Variants in NKD1 observed in about 807,000 individuals in gnomAD.
NKD1 encodes protein naked cuticle homolog 1.
A neutral mutation model predicts 56.0 loss-of-function variants in NKD1; 21 were observed. That is an observed-to-expected ratio of 0.38 (90% confidence interval 0.27 to 0.54). NKD1 has a LOEUF of 0.54. Among genes scored for constraint, NKD1 ranks in the 20% least tolerant of loss-of-function variants. The probability of loss-of-function intolerance (pLI) is 0.82; values close to 1 mark genes in which losing one functional copy is unlikely to be tolerated. For synonymous variants in NKD1, 263 were observed against 265.7 expected (o/e 0.99, Z 0.10); for missense variants, 578 against 642.7 (o/e 0.90, Z 1.09).
chr16:50,567,331 C>T (rs1960783572), intron 3 of NKD1, among the ~76,000 whole-genome samples: 1 of 152,184 alleles, frequency 6.6e-6, no homozygotes, highest in Admixed American at 6.5e-5. Flanking sequence ...TCCCAGTAAA[C>T]CGGTCTCCAT....
Position 50,632,191 on chromosome 16 carries a change from G to T in NKD1, c.696-90G>T. The T allele has an allele frequency of 7.9e-7, 1 of 1,270,994 alleles. No individual in the cohort carries two copies. 78.7% of individuals were successfully genotyped at this position (1,270,994 alleles called of 1,614,324 possible). A position where few individuals can be genotyped will look rare whatever the true frequency, so the allele number is the denominator to read the frequency against. On this transcript the variant is annotated intron_variant, in intron 8 of 9. Transcript: ENST00000268459. This position sits in a 1 kb window ranked among gnomAD's most constrained non-coding sequence, Gnocchi z 4.1. ...AAGAAGGAAATGAATGAAGGGTCCA[G>T]AGTTCATTCTGGGGGCTTCCTAGTA... is the stretch of plus-strand genomic sequence containing the variant.
chr16:50,645,899 G>A lies in NKD1; in HGVS notation c.*12118G>A, dbSNP rs1315015763. 1.3e-5 allele frequency: 2 copies of A among 152,158 alleles called. No homozygotes were observed. Among genetic ancestry groups the A allele is most frequent in the Non-Finnish European group, 1.5e-5 (1 of 68,026 alleles). The allele number at this position is 152,158 out of a possible 1,614,324, so 9.4% of individuals were successfully genotyped here. ...CAATTTCCTCTCTCTGGTAGTTGCTGAATTGGCTCTCGTGAAGGCAGAAAG... is the reference window on the plus strand; with the variant it reads ...CAATTTCCTCTCTCTGGTAGTTGCTAAATTGGCTCTCGTGAAGGCAGAAAG... On this transcript the variant is annotated 3_prime_UTR_variant, in exon 10 of 10. Coordinates refer to ENST00000268459, the MANE Select transcript of NKD1 (RefSeq NM_033119.5).
In NKD1 at chr16:50,573,857, G is replaced by T. The variant is rs1478728834; in HGVS notation, c.192+24302G>T. On this transcript the variant is annotated intron_variant, in intron 3 of 9. Transcript: ENST00000268459. ...CTGGCCTCAGCCACAGGGGCTGAGA[G>T]GGGAGCAGGGGCGGGGGTGAGGGTG... 1.2e-5 allele frequency: 12 copies of T among 985,458 alleles called. No homozygotes were observed. In the South Asian group the frequency reaches 1.9e-4, roughly 15 times the overall value. 61.0% of individuals were successfully genotyped at this position (985,458 alleles called of 1,614,324 possible).
chr16:50,612,400 T>C (rs1448806491), intron 4 of NKD1, among the ~76,000 whole-genome samples: 1 of 152,192 alleles, frequency 6.6e-6, no homozygotes, highest in Non-Finnish European at 1.5e-5. Flanking sequence ...GGCCCCTCAC[T>C]CCTCACCATT....
At chr16:50,566,837 G>A (rs762116718) in intron 3 of NKD1, among the ~76,000 whole-genome samples, 1 of 152,158 alleles carries the variant, frequency 6.6e-6, no homozygotes, top group Non-Finnish European at 1.5e-5. Flanking sequence ...TCTCTATGAT[G>A]ATCATAGGTT....
rs1962409177 is a variant in NKD1 at position 50,633,802 on chromosome 16, C to G, written c.*21C>G. 7.4e-7 allele frequency: 1 copy of G among 1,346,020 alleles called. No homozygotes were observed. Among genetic ancestry groups the G allele is most frequent in the Non-Finnish European group, 9.9e-7 (1 of 1,007,054 alleles). The allele number at this position is 1,346,020 out of a possible 1,614,324, so 83.4% of individuals were successfully genotyped here. A position where few individuals can be genotyped will look rare whatever the true frequency, so the allele number is the denominator to read the frequency against. On this transcript the variant is annotated 3_prime_UTR_variant, in exon 10 of 10. Transcript: ENST00000268459. The surrounding 1 kb of genome is among the most constrained non-coding windows in gnomAD (Gnocchi z 4.9). ...CATAGAGCCCCTCCCCAGGGCCCCA[C>G]CCTGCCATATGAAGGACCCCACCCC...
intron 3 of NKD1, chr16:50,575,104 T>C (rs1356659349): frequency 2.0e-6 from 2 of 985,142 alleles, no homozygotes; most frequent in African/African-American, 3.5e-5. Context: ...TGTTTTTTTT[T>C]TTTTTCCTTT....
intron 3 of NKD1, among the ~76,000 whole-genome samples, chr16:50,578,429 G>C (rs905941267): frequency 6.6e-6 from 1 of 152,190 alleles, no homozygotes; most frequent in Non-Finnish European, 1.5e-5. Context: ...GTACCAGCTT[G>C]AGTCGTTGTT....
rs151279926 is a variant in NKD1 at position 50,608,299 on chromosome 16, C to G, written c.198C>G (p.Leu66=). Residue 66 remains leucine, a synonymous_variant, in exon 4 of 10, where the codon CTC becomes CTG. Coordinates refer to ENST00000268459, the MANE Select transcript of NKD1 (RefSeq NM_033119.5). ...AGTIGRSTRE[L]VGDVLRDTLS... The stretch of plus-strand genomic sequence containing the variant: ...TCTGCTCTGTCTTCTTGTAGGAGCT[C>G]GTGGGCGACGTGTTGAGAGACACGC... 1.2e-6 allele frequency: 2 copies of G among 1,612,514 alleles called. No homozygotes were observed. Among genetic ancestry groups the G allele is most frequent in the East Asian group, 4.5e-5 (2 of 44,872 alleles).
At chr16:50,549,634 C>A in intron 3 of NKD1, 79 bp downstream of exon 3, 1 of 1,338,724 alleles carries the variant, frequency 7.5e-7, no homozygotes, top group Non-Finnish European at 1.0e-6. Context: ...TGCACCCCAA[C>A]TTTGAGCACT....
chr16:50,620,479 C>A (rs1243729321), intron 4 of NKD1, among the ~76,000 whole-genome samples: 11 of 152,334 alleles, frequency 7.2e-5, no homozygotes, highest in Admixed American at 5.9e-4. Context: ...ACATGACCCC[C>A]TGGCCACCCT....
At chr16:50,595,938 G>A (rs1438103313) in intron 3 of NKD1, among the ~76,000 whole-genome samples, 2 of 152,202 alleles carry the variant, frequency 1.3e-5, no homozygotes, top group Admixed American at 1.3e-4. Context: ...CCTGAGAATG[G>A]CAACAGCAAA....
Position 50,598,648 on chromosome 16 carries a change from C to G in NKD1, c.193-9646C>G, listed in dbSNP as rs1287379975. The stretch of plus-strand genomic sequence containing the variant: ...GAACTGCTGGCAGATGCCGCCCCAG[C>G]TGCTTGGTGATCAGAGGCACGCCAC... On this transcript the variant is annotated intron_variant, in intron 3 of 9. Transcript: ENST00000268459. This position sits in a 1 kb window ranked among gnomAD's most constrained non-coding sequence, Gnocchi z 4.2. Among the ~76,000 whole-genome samples the G allele has an allele frequency of 3.9e-5, 6 of 152,238 alleles. No individual in the cohort carries two copies. The highest frequency in any genetic ancestry group is 6.5e-5 in the Admixed American group (1 of 15,288).
intron 3 of NKD1, among the ~76,000 whole-genome samples, chr16:50,552,935 C>T (rs1960421870): frequency 6.6e-6 from 1 of 152,094 alleles, no homozygotes; most frequent in Admixed American, 6.6e-5. Context: ...ATGAGCAAGT[C>T]CAAGGGAATA....
At chr16:50,560,299 G>A (rs1332961861) in intron 3 of NKD1, among the ~76,000 whole-genome samples, 5 of 152,216 alleles carry the variant, frequency 3.3e-5, no homozygotes, top group South Asian at 2.1e-4. Context: ...CAGTGTGCCC[G>A]CGAGCTGCCC....
intron 3 of NKD1, among the ~76,000 whole-genome samples, chr16:50,597,056 G>A (rs2151273031): frequency 6.6e-6 from 1 of 152,250 alleles, no homozygotes; most frequent in East Asian, 1.9e-4. Context: ...GATGGGCTTT[G>A]GTGGGACTTT....
chr16:50,573,242 CA>C (rs1960921969), intron 3 of NKD1, among the ~76,000 whole-genome samples: 1 of 152,230 alleles, frequency 6.6e-6, no homozygotes, highest in Admixed American at 6.5e-5. Context: ...CTACCTTCAG[CA>C]CCACACAATC....
intron 3 of NKD1, among the ~76,000 whole-genome samples, chr16:50,570,254 C>G (rs1159255978): frequency 6.6e-6 from 1 of 152,090 alleles, no homozygotes; most frequent in African/African-American, 2.4e-5. Context: ...GTTCCTGTCA[C>G]ACAGCACTGG....
chr16:50,619,324 AC>A (rs1486871504), intron 4 of NKD1, among the ~76,000 whole-genome samples: 1 of 152,052 alleles, frequency 6.6e-6, no homozygotes, highest in Non-Finnish European at 1.5e-5. Context: ...GTCAGCTGGC[AC>A]ACATCCTTGG....
Sources: gnomAD v4.1 joint callset for allele counts (sites outside exome capture counted in the v4.1 genomes callset) on GRCh38, gnomAD v4.1.1 for gene constraint, Gnocchi (gnomAD v3.1) non-coding constraint, MANE v1.5 for transcripts, NCBI Gene and HGNC (gene_info 2026-07-23, HGNC 2026-07-21) for gene names.